The following RALGAPA1 variants were observed in gnomAD, a reference collection of about 807,000 sequenced individuals.
The protein encoded by RALGAPA1 is Ral GTPase activating protein catalytic subunit alpha 1.
A neutral mutation model predicts 269.6 loss-of-function variants in RALGAPA1; 52 were observed. The observed-to-expected ratio is 0.19, with a 90% CI of 0.15 to 0.24. The LOEUF is 0.24. Among genes scored for constraint, RALGAPA1 ranks in the 10% least tolerant of loss-of-function variants. The probability of loss-of-function intolerance (pLI) is 1.00; values close to 1 mark genes in which losing one functional copy is unlikely to be tolerated. For synonymous variants in RALGAPA1, 817 were observed against 1,008.3 expected, an observed-to-expected ratio of 0.81 and a Z score of 3.60; for missense variants, 1,917 against 3,013.9, an observed-to-expected ratio of 0.64 and a Z score of 8.52.
At chr14:35,702,146 A>G (rs1052779158) in intron 16 of RALGAPA1, among the ~76,000 whole-genome samples, 27 of 152,358 alleles carry the variant, frequency 1.8e-4, no homozygotes, top group Admixed American at 1.2e-3. Context: ...CCTACCACGT[A>G]TAAGTGCAAT....
intron 1 of RALGAPA1, among the ~76,000 whole-genome samples, chr14:35,792,825 A>AAGAC (rs1405731548): frequency 8.5e-4 from 91 of 107,086 alleles, no homozygotes; most frequent in Middle Eastern, 8.9e-3. Flanking sequence ...AAGAGAAAGA[A>AAGAC]AGAAAGAAAG....
At chr14:35,720,756 G>C (rs2140947842) in intron 16 of RALGAPA1, among the ~76,000 whole-genome samples, 1 of 152,238 alleles carries the variant, frequency 6.6e-6, no homozygotes, top group Admixed American at 6.5e-5. Flanking sequence ...GCAAGACCCT[G>C]TCTCTATGAA....
chr14:35,552,170 C>G (rs573877343), intron 39 of RALGAPA1, among the ~76,000 whole-genome samples: 11 of 152,204 alleles, frequency 7.2e-5, no homozygotes, highest in East Asian at 1.9e-4. Flanking sequence ...TACATCCCCC[C>G]CCGGCCCCCG....
intron 27 of RALGAPA1, among the ~76,000 whole-genome samples, chr14:35,663,587 ATTTTT>A (rs371523411): frequency 7.6e-6 from 1 of 132,298 alleles, no homozygotes; most frequent in Non-Finnish European, 1.6e-5. Context: ...ACCCTTGGGA[ATTTTT>A]TTTTTTTTTT....
At chr14:35,800,527 A>C (rs2076890522) in intron 1 of RALGAPA1, among the ~76,000 whole-genome samples, 1 of 152,242 alleles carries the variant, frequency 6.6e-6, no homozygotes, top group Admixed American at 6.5e-5. Flanking sequence ...AGTTGAAAGT[A>C]TTTTGGAACT....
intron 11 of RALGAPA1, among the ~76,000 whole-genome samples, chr14:35,739,356 C>T (rs1357873512): frequency 6.6e-6 from 1 of 152,076 alleles, no homozygotes; most frequent in African/African-American, 2.4e-5. Flanking sequence ...AACAGTTCTG[C>T]CATTACCAGA....
chr14:35,597,784 G>A (rs141659475), intron 36 of RALGAPA1, among the ~76,000 whole-genome samples: 3 of 152,268 alleles, frequency 2.0e-5, no homozygotes, highest in Non-Finnish European at 2.9e-5. Context: ...AATGTTGTAC[G>A]AATTAAAGGA....
At chr14:35,804,222 A>C (rs2077189759) in intron 1 of RALGAPA1, among the ~76,000 whole-genome samples, 1 of 151,856 alleles carries the variant, frequency 6.6e-6, no homozygotes, top group African/African-American at 2.4e-5. Context: ...AGATCAAGCC[A>C]CTGCACTCTA....
intron 7 of RALGAPA1, among the ~76,000 whole-genome samples, chr14:35,754,993 A>T (rs2073046653): frequency 6.6e-6 from 1 of 152,188 alleles, no homozygotes; most frequent in African/African-American, 2.4e-5. Flanking sequence ...TATAATGACA[A>T]AAAACAGATC....
At chr14:35,559,721 T>C (rs2055995801) in intron 39 of RALGAPA1, among the ~76,000 whole-genome samples, 1 of 152,234 alleles carries the variant, frequency 6.6e-6, no homozygotes, top group Non-Finnish European at 1.5e-5. Flanking sequence ...TAATGCTTTC[T>C]TTTGGTATTT....
intron 37 of RALGAPA1, among the ~76,000 whole-genome samples, chr14:35,575,353 T>A (rs1381043460): frequency 6.6e-6 from 1 of 152,178 alleles, no homozygotes; most frequent in Non-Finnish European, 1.5e-5. Context: ...TCAAGGTATA[T>A]AACATAGGCT....
chr14:35,673,775 T>TGTTGGCCAG (rs1204357148), intron 24 of RALGAPA1, among the ~76,000 whole-genome samples: 7 of 151,900 alleles, frequency 4.6e-5, no homozygotes, highest in Admixed American at 4.6e-4. Context: ...AGAGACAGGG[T>TGTTGGCCAG]TTCACCATGT....
At chr14:35,591,978 C>T (rs2058666812) in intron 37 of RALGAPA1, among the ~76,000 whole-genome samples, 1 of 152,188 alleles carries the variant, frequency 6.6e-6, no homozygotes, top group South Asian at 2.1e-4. Context: ...ACCTTGCTTC[C>T]CCTTTGCCTT....
chr14:35,655,656 T>G, intron 29 of RALGAPA1, 151 bp downstream of exon 29: 1 of 1,194,786 alleles, frequency 8.4e-7, no homozygotes, highest in Non-Finnish European at 1.1e-6. Context: ...ACAGAACAAT[T>G]TTTAAGGAAT....
At chr14:35,604,486 A>C (rs2059469050) in intron 36 of RALGAPA1, among the ~76,000 whole-genome samples, 1 of 152,018 alleles carries the variant, frequency 6.6e-6, no homozygotes, top group Admixed American at 6.6e-5. Flanking sequence ...AATCTATATA[A>C]AACACTAAAG....
intron 17 of RALGAPA1, among the ~76,000 whole-genome samples, chr14:35,693,701 C>G (rs1567021672): frequency 6.6e-6 from 1 of 151,894 alleles, no homozygotes; most frequent in Non-Finnish European, 1.5e-5. Flanking sequence ...TTTACACAAA[C>G]TGCTTTTGAA....
Position 35,688,816 on chromosome 14 carries a change from T to C in RALGAPA1, c.3595A>G (p.Ser1199Gly), listed in dbSNP as rs1271742056. 1.5e-6 allele frequency: 2 copies of C among 1,374,522 alleles called. No homozygotes were observed. Among genetic ancestry groups the C allele is most frequent in the Admixed American group, 6.0e-5 (2 of 33,180 alleles). The allele number at this position is 1,374,522 out of a possible 1,614,324, so 85.1% of individuals were successfully genotyped here. A position where few individuals can be genotyped will look rare whatever the true frequency, so the allele number is the denominator to read the frequency against. ...ACTAGCTCTGTAGCACTATTTGTGC[T>C]GGTATGGGTGTTGCTAGTGCTGCTA... Reference protein sequence around the residue: ...SNSSTSNTHTSTNSATELVKP... With the variant: ...SNSSTSNTHTGTNSATELVKP... Residue 1199 changes from serine (S) to glycine (G), a missense_variant, in exon 18 of 42, where the codon AGC becomes GGC. Around this residue, in one of 11 missense-constraint regions of RALGAPA1, gnomAD observed 615 missense variants for 790.0 expected, o/e 0.78. Coordinates refer to ENST00000680220, the MANE Select transcript of RALGAPA1 (RefSeq NM_001346249.2).
At chr14:35,613,799 C>G (rs1417807678) in intron 35 of RALGAPA1, among the ~76,000 whole-genome samples, 1 of 152,172 alleles carries the variant, frequency 6.6e-6, no homozygotes, top group African/African-American at 2.4e-5. Flanking sequence ...TTCCAAATTG[C>G]ACTCTGAGTT....
At chr14:35,682,305 G>GA (rs1566990576) in intron 21 of RALGAPA1, among the ~76,000 whole-genome samples, 1 of 144,046 alleles carries the variant, frequency 6.9e-6, no homozygotes. Flanking sequence ...TCAGTGTGTG[G>GA]TTTTTTTTTT....
Sources: allele counts gnomAD v4.1 joint callset (sites outside exome capture counted in the v4.1 genomes callset), GRCh38; gene constraint gnomAD v4.1.1; regional missense constraint gnomAD v4.1.1; transcripts MANE v1.5; gene names NCBI Gene and HGNC (gene_info 2026-07-23, HGNC 2026-07-21).